The following ZNF469 variants were observed in gnomAD, a reference collection of about 807,000 sequenced individuals.
ZNF469 encodes zinc finger protein 469.
ZNF469 carries 1 observed loss-of-function variant against 1.0 expected under a neutral mutation model. The ratio of observed to expected loss-of-function variants is 1.00; its 90% CI spans 0.35 to 4.73. ZNF469 has a LOEUF of 4.73. Ranked by LOEUF, ZNF469 falls within the 30% of genes most tolerant of loss-of-function variation. ZNF469 has a pLI of 0.16. For missense variants in ZNF469, 6,100 were observed against 5,356.3 expected (o/e 1.14, Z -4.33); for synonymous variants, 2,703 against 2,363.4 (o/e 1.14, Z -4.17).
the ZNF469 span, among the ~76,000 whole-genome samples, chr16:88,118,815 A>G: frequency 6.6e-6 from 1 of 152,220 alleles, no homozygotes; most frequent in African/African-American, 2.4e-5. Flanking sequence ...GGCATTTGGG[A>G]GAGAATTCAG....
the ZNF469 span, among the ~76,000 whole-genome samples, chr16:88,373,056 A>G: frequency 6.6e-6 from 1 of 152,222 alleles, no homozygotes; most frequent in South Asian, 2.1e-4. Context: ...TAACGCTGAC[A>G]GAATCCCCTG....
chr16:88,315,872 C>A, the ZNF469 span, among the ~76,000 whole-genome samples: 4 of 152,346 alleles, frequency 2.6e-5, no homozygotes, highest in African/African-American at 9.6e-5. Context: ...GGCCCTCCCC[C>A]TCCTGCTGAG....
At chr16:88,368,597 A>G in the ZNF469 span, among the ~76,000 whole-genome samples, 810 of 151,832 alleles carry the variant, frequency 5.3e-3, 4 homozygotes, top group Non-Finnish European at 9.5e-3. Flanking sequence ...GTCTGGAGAA[A>G]GAGTCGCCTG....
chr16:88,305,388 A>T, the ZNF469 span, among the ~76,000 whole-genome samples: 1 of 148,588 alleles, frequency 6.7e-6, no homozygotes. Context: ...GCACACCCTC[A>T]CATGTGCACA....
rs754750136 is a variant in ZNF469, at chr16:88,432,949, C to G, written c.5479C>G (p.Pro1827Ala). ...TGCCACCTGGCCTTTTGGTGCCAGT[C>G]CCAGCCATGCTGCCCAGGGACATTC... Reference protein sequence around the residue: ...LDATWPFGASPSHAAQGHSAG... With the variant: ...LDATWPFGASASHAAQGHSAG... The change falls in exon 3 of 3, where the codon CCC (proline) becomes GCC (alanine). Residue 1827 changes from proline to alanine, a missense_variant. Physicochemically the swap from Pro to Ala is conservative, Grantham distance 27 (BLOSUM62 -1). Coordinates refer to ENST00000565624, the MANE Select transcript of ZNF469 (RefSeq NM_001367624.2). The G allele has an allele frequency of 2.6e-6, 4 of 1,550,414 alleles. No homozygotes were observed. Among genetic ancestry groups the G allele is most frequent in the South Asian group, 2.4e-5 (2 of 84,070 alleles).
At chr16:88,148,976 C>A in the ZNF469 span, among the ~76,000 whole-genome samples, 1 of 152,156 alleles carries the variant, frequency 6.6e-6, no homozygotes, top group African/African-American at 2.4e-5. Flanking sequence ...TCACTGCGGG[C>A]CACCATATCA....
the ZNF469 span, among the ~76,000 whole-genome samples, chr16:88,181,216 GC>G: frequency 6.6e-6 from 1 of 152,026 alleles, no homozygotes; most frequent in Non-Finnish European, 1.5e-5. Flanking sequence ...GACTACAGGC[GC>G]CCGCCACCAC....
the ZNF469 span, among the ~76,000 whole-genome samples, chr16:88,272,123 T>A: frequency 6.7e-6 from 1 of 149,434 alleles, no homozygotes; most frequent in East Asian, 2.0e-4. Context: ...GGATGAATTT[T>A]GGGTAAATGG....
At chr16:88,340,644 G>T in the ZNF469 span, among the ~76,000 whole-genome samples, 1 of 152,174 alleles carries the variant, frequency 6.6e-6, no homozygotes, top group African/African-American at 2.4e-5. Context: ...AGGAACAACA[G>T]TGCAGGGCGG....
the ZNF469 span, among the ~76,000 whole-genome samples, chr16:88,170,876 A>G: frequency 1.6e-4 from 25 of 151,960 alleles, no homozygotes; most frequent in Non-Finnish European, 2.6e-4. The surrounding 1 kb of genome is among the most constrained non-coding windows in gnomAD (Gnocchi z 4.2). Context: ...TTTCCCTCCA[A>G]CCGCGAGCAA....
At chr16:88,269,387 G>A in the ZNF469 span, among the ~76,000 whole-genome samples, 20 of 152,172 alleles carry the variant, frequency 1.3e-4, no homozygotes, top group African/African-American at 3.9e-4. Flanking sequence ...GCACCCTGGC[G>A]GCCGGGCCTG....
the ZNF469 span, among the ~76,000 whole-genome samples, chr16:88,299,738 T>C: frequency 6.6e-6 from 1 of 152,188 alleles, no homozygotes; most frequent in Non-Finnish European, 1.5e-5. Flanking sequence ...GCTCTGCCTC[T>C]GCCACAGGGG....
chr16:88,346,333 G>A, the ZNF469 span, among the ~76,000 whole-genome samples: 8 of 152,164 alleles, frequency 5.3e-5, no homozygotes, highest in East Asian at 1.9e-4. Flanking sequence ...ACCCAGCTAC[G>A]CTTGTCCACT....
the ZNF469 span, among the ~76,000 whole-genome samples, chr16:88,341,817 G>C: frequency 6.6e-6 from 1 of 152,156 alleles, no homozygotes; most frequent in Admixed American, 6.5e-5. Flanking sequence ...GGCTGGGCGG[G>C]TGACTGGATG....
chr16:88,328,744 G>T, the ZNF469 span, among the ~76,000 whole-genome samples: 299 of 152,312 alleles, frequency 2.0e-3, 3 homozygotes, highest in African/African-American at 6.8e-3. Context: ...GAGAGGGTGC[G>T]GTGTGAGCAA....
chr16:88,131,594 C>G, the ZNF469 span, among the ~76,000 whole-genome samples: 6 of 152,384 alleles, frequency 3.9e-5, no homozygotes, highest in African/African-American at 1.4e-4. Context: ...TTCCCCATTT[C>G]TGAAAACAAT....
the ZNF469 span, among the ~76,000 whole-genome samples, chr16:88,133,701 CTAACTT>C: frequency 6.7e-6 from 1 of 150,052 alleles, no homozygotes; most frequent in African/African-American, 2.5e-5. Flanking sequence ...AATTAATTAA[CTAACTT>C]AACATTCATA....
Position 88,434,252 on chromosome 16 carries a change from T to C in ZNF469, c.6782T>C (p.Leu2261Pro). ...CCAGAGGATTCCAGAAAAGAGAAGC[T>C]GTGGGAGTCTCCTGGCCGAGCCACC... The part of the protein sequence containing the change: ...RIPEDSRKEK[L>P]WESPGRATSP... Residue 2261 changes from leucine (L) to proline (P), a missense_variant, in exon 3 of 3, where the codon CTG becomes CCG. Physicochemically the swap from Leu to Pro is moderately conservative, Grantham distance 98. Transcript: ENST00000565624. The C allele has an allele frequency of 6.5e-7, 1 of 1,550,310 alleles. No individual in the cohort carries two copies.
chr16:88,125,392 C>A, the ZNF469 span, among the ~76,000 whole-genome samples: 1 of 152,172 alleles, frequency 6.6e-6, no homozygotes, highest in Non-Finnish European at 1.5e-5. Flanking sequence ...TTCCAAAAGA[C>A]GGAGAAAGAG....
Sources: gnomAD v4.1 joint callset for allele counts (sites outside exome capture counted in the v4.1 genomes callset) on GRCh38, gnomAD v4.1.1 for gene constraint, Gnocchi (gnomAD v3.1) non-coding constraint, MANE v1.5 for transcripts, NCBI Gene and HGNC (gene_info 2026-07-23, HGNC 2026-07-21) for gene names.